The following GADL1 variants were observed in gnomAD, a reference collection of about 807,000 sequenced individuals.
GADL1 encodes the protein GAD like acidic amino acid decarboxylase 1.
In GADL1, 71 loss-of-function variants were observed where a neutral mutation model predicts 69.5. The ratio of observed to expected loss-of-function variants is 1.02; its 90% CI spans 0.84 to 1.25. The LOEUF is 1.25. GADL1 is among the 50% of genes most tolerant of loss of function. The pLI is 0.00. For missense variants in GADL1, 737 were observed against 631.8 expected, an observed-to-expected ratio of 1.17 and a Z score of -1.79; for synonymous variants, 254 against 214.4, an observed-to-expected ratio of 1.18 and a Z score of -1.62.
At chr3:30,770,234 G>A (rs1416872976) in intron 14 of GADL1, among the ~76,000 whole-genome samples, 2 of 152,190 alleles carry the variant, frequency 1.3e-5, no homozygotes, top group African/African-American at 4.8e-5. Context: ...CAACTCGACT[G>A]AGTAAACCAA....
intron 14 of GADL1, among the ~76,000 whole-genome samples, chr3:30,767,502 G>A (rs1696309659): frequency 6.6e-6 from 1 of 152,008 alleles, no homozygotes; most frequent in African/African-American, 2.4e-5. Context: ...GTGTTAGGAG[G>A]AATTAATTAG....
chr3:30,755,743 A>T (rs542433173), intron 14 of GADL1, among the ~76,000 whole-genome samples: 49 of 152,324 alleles, frequency 3.2e-4, no homozygotes, highest in Non-Finnish European at 4.9e-4. Context: ...AATAATTGTT[A>T]AACGAATGAA....
At chr3:30,814,982 A>T (rs76964803) in intron 11 of GADL1, among the ~76,000 whole-genome samples, 40,755 of 141,582 alleles carry the variant, frequency 0.29, 6,258 homozygotes, top group African/African-American at 0.49. Flanking sequence ...AAAAAAAAAA[A>T]TTTTTTTCAT....
At chr3:30,817,436 C>T (rs1476868082) in intron 11 of GADL1, among the ~76,000 whole-genome samples, 3 of 152,274 alleles carry the variant, frequency 2.0e-5, no homozygotes, top group East Asian at 1.9e-4. Flanking sequence ...ATTTGAAGAA[C>T]TCTACTTCCC....
chr3:30,872,747 C>T (rs1000690438), intron 1 of GADL1, among the ~76,000 whole-genome samples: 1 of 151,838 alleles, frequency 6.6e-6, no homozygotes, highest in African/African-American at 2.4e-5. Flanking sequence ...TGTGAGCTTT[C>T]TAAGATACTC....
In GADL1 at chr3:30,869,643, TGA is replaced by T. The variant is rs1335730393; in HGVS notation, c.38-7880_38-7879del. ...GTATCTATTTTATTTTATTTTTTTT[TGA>T]AAAGAGCAAGACGAGAATTTTAATC... On this transcript the variant is annotated intron_variant, in intron 1 of 14. Coordinates refer to ENST00000282538, the MANE Select transcript of GADL1 (RefSeq NM_207359.3). 1.3e-4 allele frequency among the ~76,000 whole-genome samples: 19 copies of T among 151,896 alleles called. No individual in the cohort carries two copies. In the East Asian group the frequency reaches 2.3e-3, roughly 19 times the overall value.
In GADL1 at chr3:30,861,738, G is replaced by T; in HGVS notation, c.65C>A (p.Pro22Gln). ...CACAAGAACAGCATTCTTCTTACTTGGAATCATCTCTTGTTGATCAATATC... is the reference window on the plus strand; with the variant it reads ...CACAAGAACAGCATTCTTCTTACTTTGAATCATCTCTTGTTGATCAATATC... ...DGDIDQQEMI[P>Q]SKKNAVLVDG... The change falls in exon 2 of 15, where the codon CCA becomes CAA. Residue 22 changes from proline (P) to glutamine (Q), a missense_variant. By Grantham distance (76) the Pro-to-Gln change is moderately conservative. Coordinates refer to ENST00000282538, the MANE Select transcript of GADL1 (RefSeq NM_207359.3). 6.5e-7 allele frequency: 1 copy of T among 1,546,920 alleles called. No homozygotes were observed.
intron 1 of GADL1, 121 bp downstream of exon 1, chr3:30,894,457 C>T (rs1698830024): frequency 1.4e-6 from 1 of 700,690 alleles, no homozygotes; most frequent in Non-Finnish European, 2.3e-6. Context: ...GGACTTTCTA[C>T]CCACCCCAGC....
chr3:30,777,449 G>A lies in GADL1; in HGVS notation c.1392+730C>T, dbSNP rs370617019. ...ACATAATCCCCAGTGAAACTCCCAT[G>A]GGTTCACTTTCAGTATGCATTATGT... On this transcript the variant is annotated intron_variant, in intron 14 of 14. Coordinates refer to ENST00000282538, the MANE Select transcript of GADL1 (RefSeq NM_207359.3). Among the ~76,000 whole-genome samples the A allele has an allele frequency of 2.4e-4, 36 of 152,284 alleles. 1 individual carries two copies. In the South Asian group the frequency reaches 6.8e-3, roughly 29 times the overall value.
intron 5 of GADL1, among the ~76,000 whole-genome samples, 161 bp downstream of exon 5, chr3:30,850,674 A>C (rs967743087): frequency 6.6e-6 from 1 of 152,192 alleles, no homozygotes; most frequent in Admixed American, 6.5e-5. Context: ...TTAATACAAA[A>C]TATTATCACT....
At chr3:30,867,230 T>TA (rs1299020685) in intron 1 of GADL1, among the ~76,000 whole-genome samples, 2 of 151,948 alleles carry the variant, frequency 1.3e-5, no homozygotes, top group African/African-American at 4.8e-5. Context: ...TATTCCCATT[T>TA]ATATTAATAA....
chr3:30,892,880 G>T (rs1299579722), intron 1 of GADL1, among the ~76,000 whole-genome samples: 1 of 152,154 alleles, frequency 6.6e-6, no homozygotes, highest in Non-Finnish European at 1.5e-5. Flanking sequence ...TTTTGAGACA[G>T]AGTCTTGCTC....
intron 14 of GADL1, among the ~76,000 whole-genome samples, chr3:30,765,890 CATA>C (rs1409420749): frequency 6.6e-6 from 1 of 152,128 alleles, no homozygotes; most frequent in Non-Finnish European, 1.5e-5. Flanking sequence ...TCTAGCTTGA[CATA>C]ATCTTTCCCA....
chr3:30,842,822 T>TAAAAAAAA (rs558126002), intron 8 of GADL1, among the ~76,000 whole-genome samples: 1 of 103,488 alleles, frequency 9.7e-6, no homozygotes, highest in African/African-American at 3.7e-5. Context: ...TTGGAATGTT[T>TAAAAAAAA]AAAAAAAAAA....
intron 14 of GADL1, among the ~76,000 whole-genome samples, chr3:30,765,164 A>G (rs753576753): frequency 6.6e-6 from 1 of 152,166 alleles, no homozygotes. Flanking sequence ...AGCCATCAAA[A>G]TGTTCATCTC....
At chr3:30,885,267 C>T (rs1286307378) in intron 1 of GADL1, among the ~76,000 whole-genome samples, 2 of 151,708 alleles carry the variant, frequency 1.3e-5, no homozygotes, top group Non-Finnish European at 2.9e-5. Flanking sequence ...TTATTTTTTT[C>T]TTCTGTCTTA....
chr3:30,734,514 G>A (rs909596966), intron 14 of GADL1, among the ~76,000 whole-genome samples: 1 of 152,128 alleles, frequency 6.6e-6, no homozygotes, highest in African/African-American at 2.4e-5. Context: ...ATGTTAGCCA[G>A]GCAGGTTGTT....
chr3:30,874,325 C>T (rs750839573), intron 1 of GADL1, among the ~76,000 whole-genome samples: 10 of 151,972 alleles, frequency 6.6e-5, no homozygotes, highest in Non-Finnish European at 1.3e-4. Context: ...AATGCCCACA[C>T]ATCTCACTGC....
At chr3:30,881,804 G>A (rs558267044) in intron 1 of GADL1, among the ~76,000 whole-genome samples, 1 of 151,854 alleles carries the variant, frequency 6.6e-6, no homozygotes, top group Non-Finnish European at 1.5e-5. Context: ...ATTAAAAGGT[G>A]GTACCTTTAA....
Sources: gnomAD v4.1 joint callset for allele counts (sites outside exome capture counted in the v4.1 genomes callset) on GRCh38, gnomAD v4.1.1 for gene constraint, MANE v1.5 for transcripts, NCBI Gene and HGNC (gene_info 2026-07-23, HGNC 2026-07-21) for gene names.